RANBP10: variants seen among roughly 807,000 people sequenced by gnomAD.
The protein encoded by RANBP10 is ran-binding protein 10.
In RANBP10, 24 loss-of-function variants were observed where a neutral mutation model predicts 72.8. That is an observed-to-expected ratio of 0.33 (90% CI 0.24 to 0.46). The LOEUF (loss-of-function observed/expected upper bound fraction) is 0.46, where lower values mean the gene tolerates loss of function less well. RANBP10 is among the 20% of genes least tolerant of loss of function. The pLI is 1.00. For missense variants in RANBP10, 679 were observed against 817.5 expected (o/e 0.83, Z 2.07); for synonymous variants, 310 against 322.3 (o/e 0.96, Z 0.41).
chr16:67,764,762 G>C (rs150479543), intron 3 of RANBP10, among the ~76,000 whole-genome samples: 232 of 152,304 alleles, frequency 1.5e-3, no homozygotes, highest in South Asian at 0.012. Flanking sequence ...TAAATTTTCA[G>C]TAAGATTGAG....
intron 3 of RANBP10, among the ~76,000 whole-genome samples, chr16:67,771,090 G>A (rs1156302952): frequency 6.6e-6 from 1 of 152,112 alleles, no homozygotes; most frequent in Non-Finnish European, 1.5e-5. Context: ...GCAGAACTCT[G>A]TCTCTACAGA....
chr16:67,772,358 T>C (rs2054624706), intron 2 of RANBP10, among the ~76,000 whole-genome samples: 1 of 152,184 alleles, frequency 6.6e-6, no homozygotes, highest in Non-Finnish European at 1.5e-5. Flanking sequence ...GAAAGTGTCA[T>C]GAATTCATGG....
At chr16:67,758,337 T>G (rs1053305138) in intron 3 of RANBP10, among the ~76,000 whole-genome samples, 2 of 152,250 alleles carry the variant, frequency 1.3e-5, no homozygotes, top group African/African-American at 4.8e-5. Flanking sequence ...CTTGCCAGGC[T>G]AGGTGTCTCT....
chr16:67,792,750 TCCAGCCTGGCA>T (rs2055051954), intron 2 of RANBP10, among the ~76,000 whole-genome samples: 1 of 141,296 alleles, frequency 7.1e-6, no homozygotes, highest in African/African-American at 2.7e-5. Flanking sequence ...ACCACCGCAC[TCCAGCCTGGCA>T]ACAGAGCAAG....
intron 2 of RANBP10, among the ~76,000 whole-genome samples, chr16:67,779,350 T>C (rs2054770000): frequency 6.7e-6 from 1 of 148,426 alleles, no homozygotes; most frequent in South Asian, 2.1e-4. Context: ...TGAGCCGAGA[T>C]GGCACTACTG....
intron 4 of RANBP10, among the ~76,000 whole-genome samples, chr16:67,739,607 C>T (rs747845227): frequency 3.3e-5 from 5 of 152,062 alleles, no homozygotes; most frequent in African/African-American, 9.7e-5. Flanking sequence ...GGCAACATAG[C>T]GAGGCTCCGT....
chr16:67,798,823 T>C (rs1041185841), intron 2 of RANBP10, among the ~76,000 whole-genome samples: 1 of 152,218 alleles, frequency 6.6e-6, no homozygotes, highest in African/African-American at 2.4e-5. Flanking sequence ...GCAGAGTCTC[T>C]TCTTTTCTTC....
intron 2 of RANBP10, among the ~76,000 whole-genome samples, chr16:67,788,413 C>T (rs538000282): frequency 9.9e-5 from 15 of 151,284 alleles, no homozygotes; most frequent in East Asian, 2.0e-4. Flanking sequence ...CCACCATGCC[C>T]GGCTAATTTT....
At chr16:67,726,900 G>C (rs1250435683) in intron 13 of RANBP10, among the ~76,000 whole-genome samples, 3 of 152,224 alleles carry the variant, frequency 2.0e-5, no homozygotes, top group Admixed American at 6.5e-5. Context: ...TACAGAGCTT[G>C]CTGCCCCAGT....
chr16:67,728,921 C>T (rs926154643), intron 10 of RANBP10, among the ~76,000 whole-genome samples: 6 of 152,274 alleles, frequency 3.9e-5, no homozygotes, highest in African/African-American at 1.2e-4. Context: ...CTCTAGCCTG[C>T]GGCTTAGCTT....
At chr16:67,728,543 CA>C in intron 10 of RANBP10, 32 bp from the exon 11 acceptor site, 1 of 1,613,638 alleles carries the variant, frequency 6.2e-7, no homozygotes, top group South Asian at 1.1e-5. Context: ...GGAGTTGGCC[CA>C]GGGGGTGTGG....
At chr16:67,754,550 C>A (rs1320042572) in intron 3 of RANBP10, among the ~76,000 whole-genome samples, 1 of 152,178 alleles carries the variant, frequency 6.6e-6, no homozygotes, top group African/African-American at 2.4e-5. Context: ...GCTCCCCAGG[C>A]CTTGAGAAGT....
intron 3 of RANBP10, among the ~76,000 whole-genome samples, chr16:67,761,333 C>G (rs1396286831): frequency 6.6e-6 from 1 of 152,146 alleles, no homozygotes; most frequent in Non-Finnish European, 1.5e-5. Flanking sequence ...GGTGTCTGCC[C>G]TCTGCGTCTA....
chr16:67,727,408 G>T lies in RANBP10; in HGVS notation c.1651C>A (p.Pro551Thr), dbSNP rs1377709190. Residue 551 changes from proline to threonine, a missense_variant, in exon 13 of 14, where the codon CCC becomes ACC. Coordinates refer to ENST00000317506, the MANE Select transcript of RANBP10 (RefSeq NM_020850.3). ...DAFSLLAYSD[P>T]WSCPVGQQLD... is the part of the protein sequence containing the mutation. The stretch of plus-strand genomic sequence containing the variant: ...TGCTGGCCAACTGGGCAGCTCCAGG[G>T]GTCTGAGTATGCCAGCAGGCTGAAG... 1 of 1,613,944 alleles carries T rather than the reference G, an allele frequency of 6.2e-7. No individual in the cohort carries two copies. Among genetic ancestry groups the T allele is most frequent in the South Asian group, 1.1e-5 (1 of 91,064 alleles).
At chr16:67,765,199 C>CA (rs569942198) in intron 3 of RANBP10, among the ~76,000 whole-genome samples, 1,534 of 11,544 alleles carry the variant, frequency 0.13, 274 homozygotes, top group Non-Finnish European at 0.22. Context: ...GACTCCATCT[C>CA]AAAAAAAAAA....
Position 67,778,779 on chromosome 16 carries a change from C to G in RANBP10, c.348-6693G>C, listed in dbSNP as rs544774276. On this transcript the variant is annotated intron_variant, in intron 2 of 13. Coordinates refer to ENST00000317506, the MANE Select transcript of RANBP10 (RefSeq NM_020850.3). ...CTGAAAAGATGCTCACCATCACTAT[C>G]GTTACGGAAATGCAAATCAAAACTA... 1.8e-4 allele frequency among the ~76,000 whole-genome samples: 28 copies of G among 152,284 alleles called. No individual in the cohort carries two copies. The South Asian group carries it at 3.7e-3, about 20-fold the overall frequency.
chr16:67,789,881 G>A (rs1458505413), intron 2 of RANBP10, among the ~76,000 whole-genome samples: 5 of 151,890 alleles, frequency 3.3e-5, no homozygotes, highest in Non-Finnish European at 7.4e-5. Flanking sequence ...GGCGGATCAC[G>A]AGGTCAGGAG....
rs565430751 is a variant in RANBP10 at position 67,747,861 on chromosome 16, C to T, written c.401-3406G>A. 2.0e-4 allele frequency among the ~76,000 whole-genome samples: 29 copies of T among 148,436 alleles called. 1 individual carries two copies. The highest frequency in any genetic ancestry group is 6.7e-4 in the African/African-American group (27 of 40,254). ...TTTAAGACGGAGTCTCACTCTGTCG[C>T]CCAGGCTGGAGTGCAGTTGCATGAT... is the stretch of plus-strand genomic sequence containing the variant. On this transcript the variant is annotated intron_variant, in intron 3 of 13. Coordinates refer to ENST00000317506, the MANE Select transcript of RANBP10 (RefSeq NM_020850.3).
Position 67,796,095 on chromosome 16 carries a change from T to C in RANBP10, c.347+9333A>G, listed in dbSNP as rs12933653. On this transcript the variant is annotated intron_variant, in intron 2 of 13. Transcript: ENST00000317506. Reference sequence around the variant, plus strand: ...CCATGCCCAGCTAATATTTTTTACTTTTAGTAGAGACAGGGTTTCGCCATG... The same window carrying C: ...CCATGCCCAGCTAATATTTTTTACTCTTAGTAGAGACAGGGTTTCGCCATG... Among the ~76,000 whole-genome samples the C allele has an allele frequency of 5.7e-3, 866 of 151,798 alleles. 27 individuals are homozygous for C. Among genetic ancestry groups the C allele is most frequent in the Admixed American group, 0.047 (719 of 15,234 alleles).
Sources: allele counts gnomAD v4.1 joint callset (sites outside exome capture counted in the v4.1 genomes callset), GRCh38; gene constraint gnomAD v4.1.1; transcripts MANE v1.5; gene names NCBI Gene and HGNC (gene_info 2026-07-23, HGNC 2026-07-21).